The following SMPD1 variants were observed in gnomAD, a reference collection of about 807,000 sequenced individuals.
SMPD1 encodes the protein sphingomyelin phosphodiesterase 1, also known as sphingomyelin phosphodiesterase.
Under a neutral mutation model 49.7 loss-of-function variants are expected in SMPD1, and 47 were observed. The ratio of observed to expected loss-of-function variants is 0.95; its 90% CI spans 0.75 to 1.21. The LOEUF (loss-of-function observed/expected upper bound fraction) is 1.21, where lower values mean the gene tolerates loss of function less well. SMPD1 is among the 50% of genes most tolerant of loss of function. SMPD1 has a pLI of 0.00. For missense variants in SMPD1, 811 were observed against 822.2 expected, an observed-to-expected ratio of 0.99 and a Z score of 0.17; for synonymous variants, 336 against 339.6, an observed-to-expected ratio of 0.99 and a Z score of 0.12.
At position 6,394,446 on chromosome 11, in the gene SMPD1, G is replaced by A. The variant is rs120074119; in HGVS notation, c.1735G>A (p.Gly579Ser). 6.2e-7 allele frequency: 1 copy of A among 1,614,144 alleles called. No individual in the cohort carries two copies. The highest frequency in any genetic ancestry group is 8.5e-7 in the Non-Finnish European group (1 of 1,180,024). ...GACCTTCTGGTTTCTCTACCATAAG[G>A]GCCACCCACCCTCGGAGCCCTGTGG... ...FQTFWFLYHKGHPPSEPCGTP... is the reference protein window; with the variant it reads ...FQTFWFLYHKSHPPSEPCGTP... Residue 579 changes from glycine to serine, a missense_variant, in exon 6 of 6, where the codon GGC (glycine) becomes AGC (serine). Transcript: ENST00000342245.
In SMPD1 at chr11:6,390,727, GGC is replaced by G. The variant is rs1345646067; in HGVS notation, c.132_133del (p.Leu45GlyfsTer6). On this transcript the variant is annotated frameshift_variant, in exon 1 of 6. Coordinates refer to ENST00000342245, the MANE Select transcript of SMPD1 (RefSeq NM_000543.5). LOFTEE classifies it high-confidence loss of function. ...GLVLALALAL[A>X]LALALSDSRV... ...TGGTGCTGGCGCTGGCGCTGGCGCT[GGC>G]GCTGGCGCTGGCTCTGTCTGACTCT... The G allele has an allele frequency of 1.2e-6, 2 of 1,611,432 alleles. No individual in the cohort carries two copies. Among genetic ancestry groups the G allele is most frequent in the South Asian group, 1.1e-5 (1 of 90,626 alleles).
Position 6,390,720 on chromosome 11 carries a change from T to A in SMPD1, c.122T>A (p.Leu41Gln). The A allele has an allele frequency of 3.2e-6, 5 of 1,566,230 alleles. No individual in the cohort carries two copies. Among genetic ancestry groups the A allele is most frequent in the Non-Finnish European group, 4.3e-6 (5 of 1,159,446 alleles). The change falls in exon 1 of 6, where the codon CTG becomes CAG. Residue 41 changes from leucine (L) to glutamine (Q), a missense_variant. Coordinates refer to ENST00000342245, the MANE Select transcript of SMPD1 (RefSeq NM_000543.5). The part of the protein sequence containing the change: ...LWMGLVLALA[L>Q]ALALALALSD... ...ATGGGCCTGGTGCTGGCGCTGGCGC[T>A]GGCGCTGGCGCTGGCGCTGGCTCTG...
rs1040248510 is a variant in SMPD1 at position 6,392,082 on chromosome 11, C to T, written c.1017C>T (p.Ser339=). The T allele has an allele frequency of 3.7e-6, 6 of 1,614,090 alleles. No homozygotes were observed. The highest frequency in any genetic ancestry group is 5.1e-6 in the Non-Finnish European group (6 of 1,180,046). ...CCCCCTTCATTGAGGGCAACCACTCCTCCCGCTGGCTCTATGAAGCGATGG... is the reference window on the plus strand; with the variant it reads ...CCCCCTTCATTGAGGGCAACCACTCTTCCCGCTGGCTCTATGAAGCGATGG... ...FPPPFIEGNH[S]SRWLYEAMAK... Residue 339 remains serine (S), a synonymous_variant, in exon 2 of 6, where the codon TCC becomes TCT. Coordinates refer to ENST00000342245, the MANE Select transcript of SMPD1 (RefSeq NM_000543.5).
In SMPD1 at chr11:6,394,907, G is replaced by A. The variant is rs1427352206; in HGVS notation, c.*300G>A. On this transcript the variant is annotated 3_prime_UTR_variant, in exon 6 of 6. Coordinates refer to ENST00000342245, the MANE Select transcript of SMPD1 (RefSeq NM_000543.5). ...AGACAAGACAGGAGCTGTCGCCCCA[G>A]GCCTGTGCTGCCCAGCCAGGAACCC... 1.0e-5 allele frequency: 5 copies of A among 479,156 alleles called. No individual in the cohort carries two copies. Among genetic ancestry groups the A allele is most frequent in the Admixed American group, 3.5e-5 (1 of 28,748 alleles). 29.7% of individuals were successfully genotyped at this position (479,156 alleles called of 1,614,324 possible). A position where few individuals can be genotyped will look rare whatever the true frequency, so the allele number is the denominator to read the frequency against.
chr11:6,390,780 C>T lies in SMPD1; in HGVS notation c.182C>T (p.Ala61Val), dbSNP rs776692908. Residue 61 changes from alanine (A) to valine (V), a missense_variant, in exon 1 of 6, where the codon GCT becomes GTT. Ala to Val is a moderately conservative substitution (Grantham distance 64). Coordinates refer to ENST00000342245, the MANE Select transcript of SMPD1 (RefSeq NM_000543.5). ...CGGGTTCTCTGGGCTCCGGCAGAGG[C>T]TCACCCTCTTTCTCCCCAAGGCCAT... The part of the protein sequence containing the change: ...DSRVLWAPAE[A>V]HPLSPQGHPA... The T allele has an allele frequency of 6.2e-7, 1 of 1,614,032 alleles. No homozygotes were observed. Among genetic ancestry groups the T allele is most frequent in the Admixed American group, 1.7e-5 (1 of 60,014 alleles).
In SMPD1 at chr11:6,390,827, G is replaced by A. The variant is rs560531338; in HGVS notation, c.229G>A (p.Val77Met). 7.1e-5 allele frequency: 115 copies of A among 1,614,098 alleles called. 1 individual carries two copies. The South Asian group carries it at 1.0e-3, about 14-fold the overall frequency. The change falls in exon 1 of 6, where the codon GTG becomes ATG. Residue 77 changes from valine (V) to methionine (M), a missense_variant. Physicochemically the swap from Val to Met is conservative, Grantham distance 21. Coordinates refer to ENST00000342245, the MANE Select transcript of SMPD1 (RefSeq NM_000543.5). ...CCATCCTGCCAGGTTACATCGCATA[G>A]TGCCCCGGCTCCGAGATGTCTTTGG... ...QGHPARLHRI[V>M]PRLRDVFGWG...
chr11:6,393,467 A>G, intron 3 of SMPD1, 80 bp downstream of exon 3: 1 of 1,516,476 alleles, frequency 6.6e-7, no homozygotes, highest in Non-Finnish European at 9.1e-7. Flanking sequence ...TGGGCACAGA[A>G]GTTTTATTTT....
In SMPD1 at chr11:6,394,048, G is replaced by A. The variant is rs748435634; in HGVS notation, c.1486+7G>A. ...TACATCGGCCTTAATCCTGGTGAGTGAGGCAGAAGGGAGCCTCCCTTATCC... is the reference window on the plus strand; with the variant it reads ...TACATCGGCCTTAATCCTGGTGAGTAAGGCAGAAGGGAGCCTCCCTTATCC... On this transcript the variant is annotated splice_region_variant and intron_variant, in intron 5 of 5. Coordinates refer to ENST00000342245, the MANE Select transcript of SMPD1 (RefSeq NM_000543.5). 2 of 1,614,188 alleles carry A rather than the reference G, an allele frequency of 1.2e-6. No homozygotes were observed. The highest frequency in any genetic ancestry group is 1.1e-5 in the South Asian group (1 of 91,078).
chr11:6,392,267 C>T, intron 2 of SMPD1, 111 bp downstream of exon 2: 1 of 1,197,028 alleles, frequency 8.4e-7, no homozygotes, highest in Non-Finnish European at 1.2e-6. Context: ...GTCCTTAGTG[C>T]TCTTCATTTG....
Position 6,392,121 on chromosome 11 carries a change from G to C in SMPD1, c.1056G>C (p.Glu352Asp). ...WLYEAMAKAW[E>D]PWLPAEALRT... ...ATGAAGCGATGGCCAAGGCTTGGGA[G>C]CCCTGGCTGCCTGCCGAAGCCCTGC... is the stretch of plus-strand genomic sequence containing the variant. Residue 352 changes from glutamate (E) to aspartate (D), a missense_variant, in exon 2 of 6, where the codon GAG becomes GAC. By Grantham distance (45) the Glu-to-Asp change is conservative (BLOSUM62 2). Transcript: ENST00000342245. 3 of 1,614,134 alleles carry C rather than the reference G, an allele frequency of 1.9e-6. No homozygotes were observed. Among genetic ancestry groups the C allele is most frequent in the East Asian group, 2.2e-5 (1 of 44,870 alleles).
intron 2 of SMPD1, among the ~76,000 whole-genome samples, chr11:6,392,800 C>T (rs903103965): frequency 6.6e-6 from 1 of 151,842 alleles, no homozygotes; most frequent in African/African-American, 2.4e-5. Context: ...GCTTTCCAGC[C>T]CTCCCTTTCT....
Position 6,393,626 on chromosome 11 carries a change from A to T in SMPD1, c.1273A>T (p.Ile425Phe). 1 of 1,613,334 alleles carries T rather than the reference A, an allele frequency of 6.2e-7. No individual in the cohort carries two copies. Among genetic ancestry groups the T allele is most frequent in the Non-Finnish European group, 8.5e-7 (1 of 1,179,308 alleles). ...AEDRGDKVHI[I>F]GHIPPGHCLK... ...TAATTCTCCCTACTAGGTGCATATA[A>T]TTGGCCACATTCCCCCAGGGCACTG... is the stretch of plus-strand genomic sequence containing the variant. The change falls in exon 4 of 6, where the codon ATT (isoleucine) becomes TTT (phenylalanine). Residue 425 changes from isoleucine to phenylalanine, a missense_variant. By Grantham distance (21) the Ile-to-Phe change is conservative (BLOSUM62 0). Transcript: ENST00000342245.
In SMPD1 at chr11:6,390,673, C is replaced by G; in HGVS notation, c.75C>G (p.Ala25=). The G allele has an allele frequency of 6.2e-7, 1 of 1,612,702 alleles. No homozygotes were observed. Among genetic ancestry groups the G allele is most frequent in the Non-Finnish European group, 8.5e-7 (1 of 1,179,618 alleles). The change falls in exon 1 of 6, where the codon GCC becomes GCG. Residue 25 remains alanine (A), a synonymous_variant. Coordinates refer to ENST00000342245, the MANE Select transcript of SMPD1 (RefSeq NM_000543.5). ...GGGAGCAGGGACAAGACGGGACCGC[C>G]GGAGCCCCCGGACTCCTTTGGATGG... The part of the protein sequence containing the change: ...SGREQGQDGT[A]GAPGLLWMGL...
Position 6,394,684 on chromosome 11 carries a change from C to G in SMPD1, c.*77C>G. 2 of 1,224,392 alleles carry G rather than the reference C, an allele frequency of 1.6e-6. No individual in the cohort carries two copies. Among genetic ancestry groups the G allele is most frequent in the Admixed American group, 3.8e-5 (2 of 52,614 alleles). 75.8% of individuals were successfully genotyped at this position (1,224,392 alleles called of 1,614,324 possible). A position where few individuals can be genotyped will look rare whatever the true frequency, so the allele number is the denominator to read the frequency against. ...AGCCCAAATGCTGCTGTGGTTCAACCAGGCAAGATCATCCGGTGAAAGAAC... is the reference window on the plus strand; with the variant it reads ...AGCCCAAATGCTGCTGTGGTTCAACGAGGCAAGATCATCCGGTGAAAGAAC... On this transcript the variant is annotated 3_prime_UTR_variant, in exon 6 of 6. Transcript: ENST00000342245.
rs764126465 is a variant in SMPD1, at chr11:6,390,648, G to A, written c.50G>A (p.Arg17Gln). Residue 17 changes from arginine (R) to glutamine (Q), a missense_variant, in exon 1 of 6, where the codon CGG becomes CAG. By Grantham distance (43) the Arg-to-Gln change is conservative. Transcript: ENST00000342245. The stretch of plus-strand genomic sequence containing the variant: ...CGCCAGAGCTGCCCCAGGTCCGGCC[G>A]GGAGCAGGGACAAGACGGGACCGCC... ...SLRQSCPRSG[R>Q]EQGQDGTAGA... 16 of 1,613,128 alleles carry A rather than the reference G, an allele frequency of 9.9e-6. No homozygotes were observed. In the East Asian group the frequency reaches 1.8e-4, roughly 18 times the overall value.
chr11:6,392,486 C>CTTTTTTTTTTTTTTTTT (rs754271358), intron 2 of SMPD1, among the ~76,000 whole-genome samples: 9 of 45,748 alleles, frequency 2.0e-4, no homozygotes, highest in African/African-American at 8.2e-4. Flanking sequence ...CTGGCCCTCC[C>CTTTTTTTTTTTTTTTTT]TTTTTTTTTT....
Position 6,394,014 on chromosome 11 carries a change from G to A in SMPD1, c.1459G>A (p.Ala487Thr). ...GGCTGTAGCCTTCCTGGCACCCAGT[G>A]CAACTACCTACATCGGCCTTAATCC... Reference protein sequence around the residue: ...PLAVAFLAPSATTYIGLNPGY... With the variant: ...PLAVAFLAPSTTTYIGLNPGY... The change falls in exon 5 of 6, where the codon GCA becomes ACA. Residue 487 changes from alanine (A) to threonine (T), a missense_variant. By Grantham distance (58) the Ala-to-Thr change is moderately conservative (BLOSUM62 0). Transcript: ENST00000342245. 6.2e-7 allele frequency: 1 copy of A among 1,614,184 alleles called. No homozygotes were observed. Among genetic ancestry groups the A allele is most frequent in the Non-Finnish European group, 8.5e-7 (1 of 1,180,038 alleles).
chr11:6,391,334 G>T (rs892451507), intron 1 of SMPD1, 50 bp from the exon 2 acceptor site: 13 of 1,600,726 alleles, frequency 8.1e-6, no homozygotes, highest in Non-Finnish European at 1.1e-5. Context: ...GGTTGGCCTG[G>T]TTCCTCTGCT....
At chr11:6,391,243 C>A in intron 1 of SMPD1, 141 bp from the exon 2 acceptor site, 1 of 831,048 alleles carries the variant, frequency 1.2e-6, no homozygotes, top group Non-Finnish European at 2.0e-6. Flanking sequence ...ATCTGGAAGG[C>A]AAAGGTGTGC....
Sources: allele counts gnomAD v4.1 joint callset (sites outside exome capture counted in the v4.1 genomes callset), GRCh38; gene constraint gnomAD v4.1.1; transcripts MANE v1.5; gene names NCBI Gene and HGNC (gene_info 2026-07-23, HGNC 2026-07-21).